Variants in JAKMIP1 observed in about 807,000 individuals in gnomAD.
JAKMIP1 encodes the protein janus kinase and microtubule-interacting protein 1.
JAKMIP1 carries 33 observed loss-of-function variants against 113.0 expected under a neutral mutation model. The observed-to-expected ratio is 0.29, with a 90% CI of 0.22 to 0.39. The LOEUF is 0.39. Among genes scored for constraint, JAKMIP1 ranks in the 10% least tolerant of loss-of-function variants. The probability of loss-of-function intolerance (pLI) is 1.00; values close to 1 mark genes in which losing one functional copy is unlikely to be tolerated. For synonymous variants in JAKMIP1, 480 were observed against 459.9 expected, an observed-to-expected ratio of 1.04 and a Z score of -0.56; for missense variants, 813 against 1,080.5, an observed-to-expected ratio of 0.75 and a Z score of 3.47.
intron 18 of JAKMIP1, among the ~76,000 whole-genome samples, chr4:6,038,948 T>C (rs9994968): frequency 0.1 from 15,419 of 152,342 alleles, 2,396 homozygotes; most frequent in African/African-American, 0.33. Context: ...GCATCTGGCA[T>C]CTGCTGTCCT....
At chr4:6,029,658 T>C in intron 20 of JAKMIP1, 58 bp downstream of exon 20, 3 of 1,109,530 alleles carry the variant, frequency 2.7e-6, no homozygotes, top group Non-Finnish European at 4.1e-6. Context: ...ATAAAATGAT[T>C]CCGCACTAAC....
In JAKMIP1 at chr4:6,119,459, G is replaced by A. The variant is rs573762905; in HGVS notation, c.-147-6462C>T. Reference sequence around the variant, plus strand: ...CTTGGGAGGCTGAGCCAGGAGAATCGCTTGAACCCGGGAGGTGGAGGTTGC... The same window carrying A: ...CTTGGGAGGCTGAGCCAGGAGAATCACTTGAACCCGGGAGGTGGAGGTTGC... On this transcript the variant is annotated intron_variant, in intron 1 of 20. Coordinates refer to ENST00000409021, the MANE Select transcript of JAKMIP1 (RefSeq NM_001099433.2). Among the ~76,000 whole-genome samples, 164 of 152,206 alleles carry A rather than the reference G, an allele frequency of 1.1e-3. 1 individual carries two copies. The highest frequency in any genetic ancestry group is 3.1e-3 in the African/African-American group (128 of 41,526).
chr4:6,103,812 CTG>C (rs1257970983), intron 3 of JAKMIP1, among the ~76,000 whole-genome samples: 10 of 152,178 alleles, frequency 6.6e-5, no homozygotes, highest in Non-Finnish European at 1.2e-4. Flanking sequence ...GTTTTATTGA[CTG>C]TAGGAGCTGT....
rs1712664167 is a variant in JAKMIP1, at chr4:6,031,562, G to A, written c.2380-1781C>T. Reference sequence around the variant, plus strand: ...GGGAACGGCATGTGCAGGAGGCCAAGAGGCCTTTGGTGGGGGGTCGGGGAC... The same window carrying A: ...GGGAACGGCATGTGCAGGAGGCCAAAAGGCCTTTGGTGGGGGGTCGGGGAC... On this transcript the variant is annotated intron_variant, in intron 19 of 20. Coordinates refer to ENST00000409021, the MANE Select transcript of JAKMIP1 (RefSeq NM_001099433.2). This position sits in a 1 kb window ranked among gnomAD's most constrained non-coding sequence, Gnocchi z 4.4. Among the ~76,000 whole-genome samples, 1 of 152,326 alleles carries A rather than the reference G, an allele frequency of 6.6e-6. No individual in the cohort carries two copies. The highest frequency in any genetic ancestry group is 2.4e-5 in the African/African-American group (1 of 41,582).
At position 6,097,203 on chromosome 4, in the gene JAKMIP1, C is replaced by T. The variant is rs1711947734; in HGVS notation, c.624+8270G>A. On this transcript the variant is annotated intron_variant, in intron 3 of 20. Transcript: ENST00000409021. This position sits in a 1 kb window ranked among gnomAD's most constrained non-coding sequence, Gnocchi z 4.3. ...TTTTTGTAGAGGCAAGACCTCACTG[C>T]CCAGGATGGTCTCAAACTCTCAGCC... is the stretch of plus-strand genomic sequence containing the variant. 6.6e-6 allele frequency among the ~76,000 whole-genome samples: 1 copy of T among 152,112 alleles called. No homozygotes were observed. Among genetic ancestry groups the T allele is most frequent in the South Asian group, 2.1e-4 (1 of 4,818 alleles).
chr4:6,081,901 G>A lies in JAKMIP1; in HGVS notation c.955-146C>T. ...TGACACATTTGTTTGCTAGTTGCAT[G>A]ACAATGGGCAAGTTCTCAGCCTCAG... On this transcript the variant is annotated intron_variant, in intron 5 of 20. Coordinates refer to ENST00000409021, the MANE Select transcript of JAKMIP1 (RefSeq NM_001099433.2). This position sits in a 1 kb window ranked among gnomAD's most constrained non-coding sequence, Gnocchi z 4.6. The A allele has an allele frequency of 3.5e-6, 3 of 849,096 alleles. No individual in the cohort carries two copies. The highest frequency in any genetic ancestry group is 5.4e-6 in the Non-Finnish European group (3 of 552,702). 52.6% of individuals were successfully genotyped at this position (849,096 alleles called of 1,614,324 possible). A position where few individuals can be genotyped will look rare whatever the true frequency, so the allele number is the denominator to read the frequency against.
rs776868703 is a variant in JAKMIP1, at chr4:6,105,851, C to G, written c.246G>C (p.Lys82Asn). The change falls in exon 3 of 21, where the codon AAG becomes AAC. Residue 82 changes from lysine (K) to asparagine (N), a missense_variant. This residue lies in a region of JAKMIP1 where 540 missense variants were observed against 653.9 expected (regional missense o/e 0.83). Coordinates refer to ENST00000409021, the MANE Select transcript of JAKMIP1 (RefSeq NM_001099433.2). ...GCCCCTCGCGCAGCGCCTGCAGCTC[C>G]TTGGTCTTCTCCTCATGCAGCTTGG... The part of the protein sequence containing the change: ...LKAKLHEEKT[K>N]ELQALREGLI... The G allele has an allele frequency of 6.2e-7, 1 of 1,612,048 alleles. No homozygotes were observed.
In JAKMIP1 at chr4:6,168,867, C is replaced by G. The variant is rs974818065; in HGVS notation, c.-148+31386G>C. On this transcript the variant is annotated intron_variant, in intron 1 of 20. Coordinates refer to ENST00000409021, the MANE Select transcript of JAKMIP1 (RefSeq NM_001099433.2). The surrounding 1 kb of genome is among the most constrained non-coding windows in gnomAD (Gnocchi z 4.6). ...AGTGAGCTGTAATCACACCACTGCA[C>G]TCCAGCCTAGGTGACAGAGTGAGAG... 6.6e-5 allele frequency among the ~76,000 whole-genome samples: 10 copies of G among 151,802 alleles called. No individual in the cohort carries two copies. The highest frequency in any genetic ancestry group is 4.6e-4 in the Admixed American group (7 of 15,268).
At chr4:6,119,929 A>G (rs187331327) in intron 1 of JAKMIP1, among the ~76,000 whole-genome samples, 1 of 152,242 alleles carries the variant, frequency 6.6e-6, no homozygotes, top group African/African-American at 2.4e-5. Flanking sequence ...ATAGTTTTAT[A>G]GGAGGATTCA....
In JAKMIP1 at chr4:6,067,070, C is replaced by A. The variant is rs1025435557; in HGVS notation, c.1303-2062G>T. Among the ~76,000 whole-genome samples the A allele has an allele frequency of 6.6e-6, 1 of 152,174 alleles. No homozygotes were observed. The highest frequency in any genetic ancestry group is 6.5e-5 in the Admixed American group (1 of 15,280). ...AGGTCCCTCCTGCTTCACCCCCGCC[C>A]CAGCCTCTGGGGCCTCCTTCTTTAT... is the stretch of plus-strand genomic sequence containing the variant. On this transcript the variant is annotated intron_variant, in intron 8 of 20. Transcript: ENST00000409021. The surrounding 1 kb of genome is among the most constrained non-coding windows in gnomAD (Gnocchi z 4.6).
chr4:6,103,657 C>G lies in JAKMIP1; in HGVS notation c.624+1816G>C, dbSNP rs547564528. On this transcript the variant is annotated intron_variant, in intron 3 of 20. Transcript: ENST00000409021. ...GGCCTTTCTTCATAGGAAAATTATT[C>G]ATTACAGATTTAATTTATTTAGGAG... 5.9e-5 allele frequency among the ~76,000 whole-genome samples: 9 copies of G among 152,318 alleles called. No homozygotes were observed. The East Asian group carries it at 1.5e-3, about 26-fold the overall frequency.
At chr4:6,163,967 G>T (rs1020446840) in intron 1 of JAKMIP1, among the ~76,000 whole-genome samples, 1 of 152,218 alleles carries the variant, frequency 6.6e-6, no homozygotes, top group Non-Finnish European at 1.5e-5. Flanking sequence ...TTTAAGGAAA[G>T]AAGCCATCTC....
chr4:6,163,492 C>A (rs1045735795), intron 1 of JAKMIP1, among the ~76,000 whole-genome samples: 3 of 152,218 alleles, frequency 2.0e-5, no homozygotes, highest in African/African-American at 7.2e-5. Context: ...CCATCACTCC[C>A]CATGGCCTCA....
intron 13 of JAKMIP1, chr4:6,053,668 G>A (rs906436345): frequency 1.4e-5 from 7 of 499,178 alleles, no homozygotes; most frequent in African/African-American, 2.0e-5. Context: ...CAGTGCTTCC[G>A]TCTGGGTGTG....
At chr4:6,166,429 C>T (rs572427721) in intron 1 of JAKMIP1, among the ~76,000 whole-genome samples, 190 of 152,286 alleles carry the variant, frequency 1.2e-3, no homozygotes, top group South Asian at 5.4e-3. Flanking sequence ...CAATAAGCTA[C>T]CTGAAGTGAA....
Position 6,081,458 on chromosome 4 carries a change from G to A in JAKMIP1, c.1101+151C>T, listed in dbSNP as rs139304031. The A allele has an allele frequency of 2.8e-4, 231 of 815,516 alleles. 1 individual carries two copies. In the East Asian group the frequency reaches 4.3e-3, roughly 15 times the overall value. The allele number at this position is 815,516 out of a possible 1,614,324, so 50.5% of individuals were successfully genotyped here. On this transcript the variant is annotated intron_variant, in intron 6 of 20. Transcript: ENST00000409021. The surrounding 1 kb of genome is among the most constrained non-coding windows in gnomAD (Gnocchi z 4.6). ...ATGTGAGACAGGTGGAGAGAAAGGC[G>A]AGACATCTGTGACTGACACTGTGCC...
chr4:6,072,790 C>A (rs1449073576), intron 8 of JAKMIP1, among the ~76,000 whole-genome samples: 1 of 152,116 alleles, frequency 6.6e-6, no homozygotes, highest in Non-Finnish European at 1.5e-5. Context: ...TTTGGCAAAA[C>A]TTGCAAATGA....
chr4:6,034,826 G>T (rs1419828680), intron 19 of JAKMIP1, among the ~76,000 whole-genome samples: 2 of 152,118 alleles, frequency 1.3e-5, no homozygotes, highest in African/African-American at 4.8e-5. Context: ...AAACAAACTA[G>T]ATGTTTCTGT....
chr4:6,103,013 T>C (rs1713333680), intron 3 of JAKMIP1, among the ~76,000 whole-genome samples: 1 of 152,088 alleles, frequency 6.6e-6, no homozygotes, highest in Non-Finnish European at 1.5e-5. Flanking sequence ...TTATTTATTT[T>C]ATTTTATTTT....
Sources: gnomAD v4.1 joint callset for allele counts (sites outside exome capture counted in the v4.1 genomes callset) on GRCh38, gnomAD v4.1.1 for gene constraint, gnomAD v4.1.1 regional missense constraint, Gnocchi (gnomAD v3.1) non-coding constraint, MANE v1.5 for transcripts, NCBI Gene and HGNC (gene_info 2026-07-23, HGNC 2026-07-21) for gene names.